The following RBMS1 variants were observed in gnomAD, a reference collection of about 807,000 sequenced individuals.
RBMS1 encodes RNA-binding motif, single-stranded-interacting protein 1.
Under a neutral mutation model 62.3 loss-of-function variants are expected in RBMS1, and 17 were observed. The observed-to-expected ratio is 0.27, with a 90% CI of 0.19 to 0.41. The LOEUF is 0.41. Among genes scored for constraint, RBMS1 ranks in the 10% least tolerant of loss-of-function variants. The probability of loss-of-function intolerance (pLI) is 1.00; values close to 1 mark genes in which losing one functional copy is unlikely to be tolerated. For synonymous variants in RBMS1, 172 were observed against 170.0 expected, an observed-to-expected ratio of 1.01 and a Z score of -0.09; for missense variants, 334 against 504.5, an observed-to-expected ratio of 0.66 and a Z score of 3.24.
rs1168912968 is a variant in RBMS1 at position 160,287,021 on chromosome 2, T to C, written c.704A>G (p.Asn235Ser). The C allele has an allele frequency of 2.5e-6, 4 of 1,613,878 alleles. No homozygotes were observed. Among genetic ancestry groups the C allele is most frequent in the Non-Finnish European group, 3.4e-6 (4 of 1,180,000 alleles). The change falls in exon 7 of 14, where the codon AAC becomes AGC. Residue 235 changes from asparagine (N) to serine (S), a missense_variant. Physicochemically the swap from Asn to Ser is conservative, Grantham distance 46. This residue lies in a region of RBMS1 where 182 missense variants were observed against 257.7 expected (regional missense o/e 0.71). Transcript: ENST00000348849. ...TGGTCTTCCATTAGGGATGTATTTG[T>C]TTGGGTTCTGTCTCTTTTTCTGTCC... ...DGGQKKRQNP[N>S]KYIPNGRPWH...
intron 1 of RBMS1, among the ~76,000 whole-genome samples, chr2:160,388,354 G>A (rs908980027): frequency 6.6e-6 from 1 of 152,080 alleles, no homozygotes; most frequent in East Asian, 1.9e-4. Flanking sequence ...TGTTTTTGCC[G>A]GCGACAGAGG....
Position 160,318,150 on chromosome 2 carries a change from A to C in RBMS1, c.310+19T>G. On this transcript the variant is annotated intron_variant, in intron 3 of 13. Transcript: ENST00000348849. ...TTCTAAAGCTATCATTTACCAAATA[A>C]CCAGCCAAGAAAACATACCTTTGCA... The C allele has an allele frequency of 6.3e-7, 1 of 1,597,028 alleles. No homozygotes were observed. The highest frequency in any genetic ancestry group is 1.1e-5 in the South Asian group (1 of 87,446).
intron 2 of RBMS1, among the ~76,000 whole-genome samples, chr2:160,363,412 A>G (rs1325309540): frequency 6.6e-6 from 1 of 152,198 alleles, no homozygotes; most frequent in Non-Finnish European, 1.5e-5. Context: ...GGTGTGGTCC[A>G]AGCACAAAGG....
chr2:160,410,579 TG>T (rs1451084663), intron 1 of RBMS1, among the ~76,000 whole-genome samples: 19 of 152,238 alleles, frequency 1.2e-4, no homozygotes, highest in Admixed American at 5.9e-4. Context: ...AGTGCTTAGT[TG>T]TAAGAGTGAT....
At chr2:160,337,101 A>G (rs1344636906) in intron 2 of RBMS1, among the ~76,000 whole-genome samples, 2 of 151,802 alleles carry the variant, frequency 1.3e-5, no homozygotes, top group African/African-American at 2.4e-5. Flanking sequence ...GAAAAGTCCC[A>G]GAAGCATTTT....
intron 1 of RBMS1, among the ~76,000 whole-genome samples, chr2:160,382,768 T>C (rs767954509): frequency 6.6e-6 from 1 of 152,134 alleles, no homozygotes; most frequent in African/African-American, 2.4e-5. Flanking sequence ...GTTAATAGAG[T>C]CATCTGGGTG....
chr2:160,356,189 A>G (rs778809878), intron 2 of RBMS1, among the ~76,000 whole-genome samples: 7 of 152,084 alleles, frequency 4.6e-5, no homozygotes, highest in Non-Finnish European at 1.0e-4. Flanking sequence ...GGGGAGCTGC[A>G]CATTAGACAG....
chr2:160,477,724 C>T lies in RBMS1; in HGVS notation c.75+15565G>A, dbSNP rs187206337. The stretch of plus-strand genomic sequence containing the variant: ...TCAACAAGAAAATTCCCTGTATTTC[C>T]AGGGATAATAATTCCTCATCTGCTT... On this transcript the variant is annotated intron_variant, in intron 1 of 13. Transcript: ENST00000348849. 7.2e-5 allele frequency among the ~76,000 whole-genome samples: 11 copies of T among 152,200 alleles called. No individual in the cohort carries two copies. In the East Asian group the frequency reaches 1.7e-3, roughly 24 times the overall value.
chr2:160,298,012 CA>C (rs1372837367), intron 6 of RBMS1, among the ~76,000 whole-genome samples: 2 of 152,082 alleles, frequency 1.3e-5, no homozygotes, highest in African/African-American at 4.8e-5. Context: ...TGGCTACAGT[CA>C]GGGAGAATAC....
Position 160,493,270 on chromosome 2 carries a change from C to T in RBMS1, c.75+19G>A. The T allele has an allele frequency of 1.2e-6, 2 of 1,611,652 alleles. No individual in the cohort carries two copies. The highest frequency in any genetic ancestry group is 8.5e-7 in the Non-Finnish European group (1 of 1,178,036). On this transcript the variant is annotated intron_variant, in intron 1 of 13. Coordinates refer to ENST00000348849, the MANE Select transcript of RBMS1 (RefSeq NM_016836.4). ...GGGCCCCCTCCTCCGGCCGTCACCTCTCCCCGGCGCCCCTTTACCTTGGCT... is the reference window on the plus strand; with the variant it reads ...GGGCCCCCTCCTCCGGCCGTCACCTTTCCCCGGCGCCCCTTTACCTTGGCT...
chr2:160,287,326 T>A (rs1688452767), intron 6 of RBMS1, among the ~76,000 whole-genome samples: 1 of 152,212 alleles, frequency 6.6e-6, no homozygotes. Context: ...AAGGAATCTT[T>A]CGATTCACTT....
intron 1 of RBMS1, among the ~76,000 whole-genome samples, chr2:160,404,043 T>C (rs1445990637): frequency 3.9e-5 from 6 of 152,230 alleles, no homozygotes; most frequent in African/African-American, 1.4e-4. Context: ...TTTGGGGTGC[T>C]CTTTTCATAC....
intron 2 of RBMS1, among the ~76,000 whole-genome samples, chr2:160,320,601 G>A (rs1293117462): frequency 6.6e-6 from 1 of 151,996 alleles, no homozygotes; most frequent in Non-Finnish European, 1.5e-5. Flanking sequence ...TATTAGTTCT[G>A]GTGAGAACTG....
intron 1 of RBMS1, among the ~76,000 whole-genome samples, chr2:160,402,273 C>T (rs527467450): frequency 2.0e-5 from 3 of 152,210 alleles, no homozygotes; most frequent in East Asian, 3.9e-4. Context: ...AGAGTGCAGG[C>T]GGAAGCATGG....
intron 1 of RBMS1, among the ~76,000 whole-genome samples, chr2:160,377,518 G>A (rs1230153540): frequency 6.6e-6 from 1 of 152,180 alleles, no homozygotes; most frequent in African/African-American, 2.4e-5. Context: ...AATGAATTTG[G>A]GAAGGGCCCC....
intron 1 of RBMS1, among the ~76,000 whole-genome samples, chr2:160,420,120 T>C (rs1559530134): frequency 6.6e-6 from 1 of 152,172 alleles, no homozygotes; most frequent in Non-Finnish European, 1.5e-5. Flanking sequence ...GCTTCCAAAA[T>C]AATTTTTTTC....
rs771743939 is a variant in RBMS1 at position 160,318,209 on chromosome 2, G to C, written c.270C>G (p.Ser90=). 1.3e-5 allele frequency: 20 copies of C among 1,522,220 alleles called. No homozygotes were observed. The East Asian group carries it at 5.0e-4, about 38-fold the overall frequency. 94.3% of individuals were successfully genotyped at this position (1,522,220 alleles called of 1,614,324 possible). ...TTGTCTTATCCAAAATTGCCTTTGTGGAGACTATTTTCCCATATCTAAAAA... is the reference window on the plus strand; with the variant it reads ...TTGTCTTATCCAAAATTGCCTTTGTCGAGACTATTTTCCCATATCTAAAAA... ...KLCQPYGKIV[S]TKAILDKTTN... Residue 90 remains serine (S), a synonymous_variant, in exon 3 of 14, where the codon TCC becomes TCG. Coordinates refer to ENST00000348849, the MANE Select transcript of RBMS1 (RefSeq NM_016836.4).
chr2:160,358,333 C>T (rs1692920748), intron 2 of RBMS1, among the ~76,000 whole-genome samples: 1 of 152,142 alleles, frequency 6.6e-6, no homozygotes, highest in Admixed American at 6.6e-5. Context: ...AGCAGATTGG[C>T]ATTCCTTTTT....
At chr2:160,285,101 T>C in intron 7 of RBMS1, 57 bp from the exon 8 acceptor site, 1 of 1,543,768 alleles carries the variant, frequency 6.5e-7, no homozygotes, top group Admixed American at 1.7e-5. Context: ...ATTTAAAAAT[T>C]CTATTTTTAG....
Sources: gnomAD v4.1 joint callset for allele counts (sites outside exome capture counted in the v4.1 genomes callset) on GRCh38, gnomAD v4.1.1 for gene constraint, gnomAD v4.1.1 regional missense constraint, MANE v1.5 for transcripts, NCBI Gene and HGNC (gene_info 2026-07-23, HGNC 2026-07-21) for gene names.